The following CHST9 variants were observed in gnomAD, a reference collection of about 807,000 sequenced individuals.
CHST9 encodes GalNAc-4-sulfotransferase 2.
Under a neutral mutation model 44.4 loss-of-function variants are expected in CHST9, and 41 were observed. That is an observed-to-expected ratio of 0.92 (90% confidence interval 0.72 to 1.20). The LOEUF (loss-of-function observed/expected upper bound fraction) is 1.20. Ranked by LOEUF, CHST9 falls within the 50% of genes most tolerant of loss-of-function variation. CHST9 has a pLI of 0.00. For synonymous variants in CHST9, 171 were observed against 178.4 expected (o/e 0.96, Z 0.33); for missense variants, 504 against 516.5 (o/e 0.98, Z 0.23).
chr18:26,988,237 T>C (rs2038790589), intron 4 of CHST9, among the ~76,000 whole-genome samples: 1 of 152,134 alleles, frequency 6.6e-6, no homozygotes. Flanking sequence ...ATATAAATGG[T>C]GTAAACATGT....
In CHST9 at chr18:27,063,114, A is replaced by G. The variant is rs953584081; in HGVS notation, c.122-14611T>C. Among the ~76,000 whole-genome samples, 63 of 152,202 alleles carry G rather than the reference A, an allele frequency of 4.1e-4. 1 individual carries two copies. On this transcript the variant is annotated intron_variant, in intron 2 of 5. Transcript: ENST00000618847. ...CATTGTCTCACTGGATTCTCAGCTC[A>G]GTCCCAGGGGAAAGAAGGGGGAAAT...
At chr18:27,162,771 C>T (rs1370062434) in intron 1 of CHST9, among the ~76,000 whole-genome samples, 5 of 152,150 alleles carry the variant, frequency 3.3e-5, no homozygotes, top group Admixed American at 6.5e-5. Flanking sequence ...CCTCCTTTAG[C>T]TCGGAGTAGT....
chr18:27,011,510 C>T (rs1054342506), intron 4 of CHST9, among the ~76,000 whole-genome samples: 1 of 152,134 alleles, frequency 6.6e-6, no homozygotes, highest in Non-Finnish European at 1.5e-5. Context: ...CAGTAAATCA[C>T]TTGTTGAGGG....
chr18:27,159,276 A>G (rs1388822125), intron 1 of CHST9, among the ~76,000 whole-genome samples: 2 of 152,050 alleles, frequency 1.3e-5, no homozygotes, highest in Non-Finnish European at 2.9e-5. Context: ...ATCTTGAATT[A>G]ATTTTTGTAT....
At chr18:27,128,319 G>GCGTGCAGTGCAGTGC in intron 2 of CHST9, among the ~76,000 whole-genome samples, 1 of 152,152 alleles carries the variant, frequency 6.6e-6, no homozygotes, top group South Asian at 2.1e-4. Context: ...GCCCAGGCTG[G>GCGTGCAGTGCAGTGC]ACTGCAGTGG....
chr18:27,020,301 G>A (rs1358965207), intron 4 of CHST9, among the ~76,000 whole-genome samples: 1 of 152,234 alleles, frequency 6.6e-6, no homozygotes, highest in Admixed American at 6.5e-5. Flanking sequence ...AATGTGCCAT[G>A]GGGCAATCTC....
At chr18:26,918,984 G>A (rs917407456) in intron 5 of CHST9, among the ~76,000 whole-genome samples, 1 of 152,144 alleles carries the variant, frequency 6.6e-6, no homozygotes, top group Non-Finnish European at 1.5e-5. Context: ...AATCATGGCA[G>A]AAGGTAAAGG....
chr18:27,059,960 T>C (rs1250187238), intron 2 of CHST9, among the ~76,000 whole-genome samples: 1 of 152,204 alleles, frequency 6.6e-6, no homozygotes, highest in African/African-American at 2.4e-5. Context: ...TTTCAGGCCT[T>C]TACAGGCTAC....
At chr18:27,028,807 C>G (rs1159294427) in intron 3 of CHST9, among the ~76,000 whole-genome samples, 1 of 152,088 alleles carries the variant, frequency 6.6e-6, no homozygotes, top group African/African-American at 2.4e-5. Flanking sequence ...CTCAGCCTCC[C>G]AAAGTGCTGG....
chr18:27,170,182 G>A (rs9954485), intron 1 of CHST9, among the ~76,000 whole-genome samples: 62,409 of 151,978 alleles, frequency 0.41, 13,230 homozygotes, highest in East Asian at 0.62. Flanking sequence ...CTTACAATAG[G>A]TGGGATATGA....
chr18:27,011,962 A>G (rs2057090314), intron 4 of CHST9, among the ~76,000 whole-genome samples: 1 of 152,144 alleles, frequency 6.6e-6, no homozygotes, highest in Non-Finnish European at 1.5e-5. Context: ...CCTTTGCAAC[A>G]TGGAAGCAAG....
chr18:26,985,498 G>A (rs2056743877), intron 4 of CHST9, among the ~76,000 whole-genome samples: 1 of 152,214 alleles, frequency 6.6e-6, no homozygotes, highest in South Asian at 2.1e-4. Context: ...ACCAACTTGA[G>A]TTCCCAGGTT....
At chr18:27,051,718 A>G (rs2057569319) in intron 2 of CHST9, among the ~76,000 whole-genome samples, 1 of 152,194 alleles carries the variant, frequency 6.6e-6, no homozygotes, top group Non-Finnish European at 1.5e-5. Context: ...AGAACCATCC[A>G]GTTGGCTATT....
chr18:27,180,433 G>C (rs894920629), intron 1 of CHST9, among the ~76,000 whole-genome samples: 2 of 152,136 alleles, frequency 1.3e-5, no homozygotes, highest in Non-Finnish European at 1.5e-5. Flanking sequence ...AGAGGACAGA[G>C]TCTGAGAGGG....
At chr18:27,158,868 T>G (rs1486630763) in intron 1 of CHST9, among the ~76,000 whole-genome samples, 3 of 152,246 alleles carry the variant, frequency 2.0e-5, no homozygotes, top group East Asian at 1.9e-4. Context: ...ATGATGAGCA[T>G]TTTTTCATGT....
At chr18:27,153,554 G>C (rs1318441673) in intron 1 of CHST9, among the ~76,000 whole-genome samples, 18 of 134,578 alleles carry the variant, frequency 1.3e-4, no homozygotes, top group South Asian at 6.8e-4. Context: ...CTCTGTGTGT[G>C]TGTGTGTGTG....
chr18:27,138,436 C>A (rs1048698215), intron 2 of CHST9, among the ~76,000 whole-genome samples: 2 of 152,150 alleles, frequency 1.3e-5, no homozygotes, highest in African/African-American at 4.8e-5. Context: ...ACATTAGGAA[C>A]CAGAATGGCT....
Position 27,142,711 on chromosome 18 carries a change from G to C in CHST9, c.99C>G (p.Val33=). The part of the protein sequence containing the change: ...AGLLLFMYLQ[V]WIEEQHTGRV... ...TACCTGTATGTTGTTCTTCAATCCAGACTTGCAAATACATGAAGAGGAGTA... is the reference window on the plus strand; with the variant it reads ...TACCTGTATGTTGTTCTTCAATCCACACTTGCAAATACATGAAGAGGAGTA... The change falls in exon 2 of 6, where the codon GTC becomes GTG. Residue 33 remains valine (V), a synonymous_variant. Transcript: ENST00000618847. The C allele has an allele frequency of 1.2e-6, 2 of 1,609,018 alleles. No homozygotes were observed. The highest frequency in any genetic ancestry group is 1.7e-6 in the Non-Finnish European group (2 of 1,177,802).
At chr18:26,957,116 T>G (rs1327124534) in intron 4 of CHST9, among the ~76,000 whole-genome samples, 1 of 152,194 alleles carries the variant, frequency 6.6e-6, no homozygotes, top group Non-Finnish European at 1.5e-5. Flanking sequence ...TGCCTTGAGA[T>G]GCAAATTGCT....
Sources: gnomAD v4.1 joint callset for allele counts (sites outside exome capture counted in the v4.1 genomes callset) on GRCh38, gnomAD v4.1.1 for gene constraint, MANE v1.5 for transcripts, NCBI Gene and HGNC (gene_info 2026-07-23, HGNC 2026-07-21) for gene names.